CNIH3: variants seen among roughly 807,000 people sequenced by gnomAD.
CNIH3 encodes protein cornichon homolog 3.
In CNIH3, 14 loss-of-function variants were observed where a neutral mutation model predicts 24.1. That is an observed-to-expected ratio of 0.58 (90% CI 0.38 to 0.91). The LOEUF (loss-of-function observed/expected upper bound fraction) is 0.91. Ranked by LOEUF, CNIH3 falls within the 40% of genes least tolerant of loss-of-function variation. The pLI, the probability that CNIH3 is intolerant of heterozygous loss-of-function variation, is 0.00. For synonymous variants in CNIH3, 68 were observed against 73.8 expected (o/e 0.92, Z 0.40); for missense variants, 178 against 196.8 (o/e 0.90, Z 0.57).
intron 3 of CNIH3, among the ~76,000 whole-genome samples, chr1:224,564,475 T>C (rs1374216405): frequency 6.6e-6 from 1 of 152,258 alleles, no homozygotes; most frequent in African/African-American, 2.4e-5. Flanking sequence ...AATCGTACTA[T>C]GAAGTCTCTT....
chr1:224,700,410 C>A (rs956283974), intron 3 of CNIH3, among the ~76,000 whole-genome samples: 1 of 152,226 alleles, frequency 6.6e-6, no homozygotes. Flanking sequence ...GCAACAGGAT[C>A]TCTGCACTAG....
intron 1 of CNIH3, among the ~76,000 whole-genome samples, chr1:224,519,991 C>T (rs971747647): frequency 3.3e-5 from 5 of 152,160 alleles, no homozygotes; most frequent in Non-Finnish European, 5.9e-5. Context: ...GTTCTATTGA[C>T]TAGTGCTAGT....
chr1:224,624,152 G>A (rs895426822), intron 1 of CNIH3, among the ~76,000 whole-genome samples: 4 of 152,094 alleles, frequency 2.6e-5, no homozygotes, highest in Non-Finnish European at 4.4e-5. Flanking sequence ...TTGTGCCCCC[G>A]CCCCTTCTCA....
At chr1:224,539,455 C>A (rs1184781734), downstream of CNIH3, among the ~76,000 whole-genome samples, 1 of 152,218 alleles carries the variant, frequency 6.6e-6, no homozygotes. Flanking sequence ...CCAACTTCGA[C>A]TTTTCTTCAT....
At position 224,701,836 on chromosome 1, in the gene CNIH3, C is replaced by T. The variant is rs116661962; in HGVS notation, c.198+16993C>T. Among the ~76,000 whole-genome samples the T allele has an allele frequency of 9.4e-4, 143 of 152,224 alleles. 1 individual carries two copies. Among genetic ancestry groups the T allele is most frequent in the African/African-American group, 3.3e-3 (139 of 41,520 alleles). On this transcript the variant is annotated intron_variant, in intron 3 of 5. Transcript: ENST00000272133. Reference sequence around the variant, plus strand: ...GTACATGCAAAGCTGGGGTTTAAATCCAGGCAGTCTTTCCTTGGAGCATGC... The same window carrying T: ...GTACATGCAAAGCTGGGGTTTAAATTCAGGCAGTCTTTCCTTGGAGCATGC...
intron 2 of CNIH3, among the ~76,000 whole-genome samples, chr1:224,543,847 C>T (rs1320548714): frequency 1.3e-5 from 2 of 152,098 alleles, no homozygotes; most frequent in Admixed American, 6.5e-5. Flanking sequence ...GAATACCTTT[C>T]TTCCAGATCT....
chr1:224,639,438 C>T (rs756669402), intron 1 of CNIH3, among the ~76,000 whole-genome samples: 31 of 152,210 alleles, frequency 2.0e-4, no homozygotes, highest in Non-Finnish European at 4.1e-4. Flanking sequence ...TCTTGAGTTC[C>T]TTCAAGGAAA....
At chr1:224,595,397 A>G (rs1681936711) in intron 3 of CNIH3, among the ~76,000 whole-genome samples, 1 of 152,172 alleles carries the variant, frequency 6.6e-6, no homozygotes, top group Non-Finnish European at 1.5e-5. Context: ...GGGCACCACA[A>G]ATTGTGCCTA....
In CNIH3 at chr1:224,551,460, A is replaced by G. The variant is rs145640146; in HGVS notation, n.450+4521A>G. 9.7e-4 allele frequency among the ~76,000 whole-genome samples: 148 copies of G among 152,318 alleles called. 1 individual carries two copies. The highest frequency in any genetic ancestry group is 3.5e-3 in the African/African-American group (145 of 41,584). On this transcript the variant is annotated intron_variant and non_coding_transcript_variant, in intron 3 of 5. Transcript: ENST00000471578. The stretch of plus-strand genomic sequence containing the variant: ...AGCAGAGCGATGATATTTCGTTAAT[A>G]TCACAGTGGACAAACATTGTATGTA...
At chr1:224,727,770 A>G (rs1006780896) in intron 3 of CNIH3, among the ~76,000 whole-genome samples, 5 of 151,996 alleles carry the variant, frequency 3.3e-5, no homozygotes, top group Admixed American at 1.3e-4. Flanking sequence ...GGTCACTGTC[A>G]CTCCTAAAAG....
chr1:224,696,736 T>C (rs1687196938), intron 3 of CNIH3, among the ~76,000 whole-genome samples: 1 of 152,072 alleles, frequency 6.6e-6, no homozygotes, highest in African/African-American at 2.4e-5. Context: ...ACCTACCATG[T>C]ACATAGTTGG....
At chr1:224,517,466 T>C (rs1678439866) in intron 1 of CNIH3, among the ~76,000 whole-genome samples, 1 of 152,114 alleles carries the variant, frequency 6.6e-6, no homozygotes, top group Non-Finnish European at 1.5e-5. Flanking sequence ...GATATTCCTT[T>C]TTTTGTAGTT....
At chr1:224,737,444 G>A (rs557844467) in intron 5 of CNIH3, among the ~76,000 whole-genome samples, 12 of 152,260 alleles carry the variant, frequency 7.9e-5, no homozygotes, top group South Asian at 4.2e-4. Context: ...TGGCCGCCAC[G>A]GGCACCCACA....
At chr1:224,440,322 A>G (rs1674845476) in intron 1 of CNIH3, among the ~76,000 whole-genome samples, 1 of 152,264 alleles carries the variant, frequency 6.6e-6, no homozygotes, top group Admixed American at 6.5e-5. Flanking sequence ...CTCAACCTCC[A>G]AAGTTCAAGT....
At chr1:224,623,622 G>T (rs1017885467) in intron 1 of CNIH3, among the ~76,000 whole-genome samples, 1 of 152,038 alleles carries the variant, frequency 6.6e-6, no homozygotes, top group African/African-American at 2.4e-5. Flanking sequence ...TTTAATTCCA[G>T]CTCCTGGAGA....
At chr1:224,705,850 CTTTTTTTTCTTTTT>C (rs1294288955) in intron 3 of CNIH3, among the ~76,000 whole-genome samples, 4 of 90,226 alleles carry the variant, frequency 4.4e-5, no homozygotes, top group East Asian at 3.7e-4. Flanking sequence ...TCTTTCTTTT[CTTTTTTTTCTTTTT>C]TTTTTTTTTT....
chr1:224,654,391 G>GA (rs1310177833), intron 1 of CNIH3, among the ~76,000 whole-genome samples: 2 of 151,988 alleles, frequency 1.3e-5, no homozygotes, highest in African/African-American at 4.8e-5. Flanking sequence ...CAACAACAAC[G>GA]AAAAAAAGAT....
At chr1:224,496,568 C>T (rs567969825) in intron 1 of CNIH3, among the ~76,000 whole-genome samples, 14 of 152,180 alleles carry the variant, frequency 9.2e-5, no homozygotes, top group Non-Finnish European at 1.5e-5. Flanking sequence ...GTCCCTGAAT[C>T]AGGGTGGTTT....
At chr1:224,594,285 C>T (rs10916652) in intron 3 of CNIH3, among the ~76,000 whole-genome samples, 6 of 152,006 alleles carry the variant, frequency 3.9e-5, no homozygotes, top group Admixed American at 1.3e-4. Context: ...CTTGCACCCC[C>T]GCTTGTCTGG....
Sources: allele counts gnomAD v4.1 joint callset (sites outside exome capture counted in the v4.1 genomes callset), GRCh38; gene constraint gnomAD v4.1.1; transcripts MANE v1.5; gene names NCBI Gene and HGNC (gene_info 2026-07-23, HGNC 2026-07-21).